Variants in TBXAS1 observed in about 807,000 individuals in gnomAD.
TBXAS1 encodes thromboxane-A synthase.
A neutral mutation model predicts 60.7 loss-of-function variants in TBXAS1; 48 were observed. The ratio of observed to expected loss-of-function variants is 0.79; its 90% confidence interval spans 0.63 to 1.01. TBXAS1 has a LOEUF of 1.01. TBXAS1 is among the 50% of genes least tolerant of loss of function. TBXAS1 has a pLI of 0.00. For missense variants in TBXAS1, 685 were observed against 686.3 expected, an observed-to-expected ratio of 1.00 and a Z score of 0.02; for synonymous variants, 287 against 269.7, an observed-to-expected ratio of 1.06 and a Z score of -0.63.
At chr7:139,879,220 C>T (rs558514224) in intron 3 of TBXAS1, among the ~76,000 whole-genome samples, 56 of 152,336 alleles carry the variant, frequency 3.7e-4, no homozygotes, top group African/African-American at 1.3e-3. Context: ...CCACCATCAT[C>T]GAGAACAAAA....
chr7:139,955,608 G>T lies in TBXAS1; in HGVS notation c.688+1G>T. The T allele has an allele frequency of 6.2e-7, 1 of 1,614,052 alleles. No individual in the cohort carries two copies. Among genetic ancestry groups the T allele is most frequent in the Non-Finnish European group, 8.5e-7 (1 of 1,180,024 alleles). On this transcript the variant is annotated splice_donor_variant, in intron 7 of 12. Coordinates refer to ENST00000448866, the MANE Select transcript of TBXAS1 (RefSeq NM_001061.7). LOFTEE classifies it high-confidence loss of function. ...CCCAGACCTATCCTGGTTTTACTCT[G>T]TAAGTGCGGCTGCAGCCCGGGGCGC...
At chr7:139,784,013 T>G (rs6950789) in intron 3 of TBXAS1, among the ~76,000 whole-genome samples, 13 of 122,498 alleles carry the variant, frequency 1.1e-4, no homozygotes, top group African/African-American at 8.1e-4. Context: ...TTTTTTTTGT[T>G]TTTTTTTTTT....
At chr7:139,818,098 T>A (rs1798198071) in intron 4 of TBXAS1, among the ~76,000 whole-genome samples, 1 of 151,886 alleles carries the variant, frequency 6.6e-6, no homozygotes, top group Non-Finnish European at 1.5e-5. Context: ...ACATCTAGAG[T>A]GTTGGTAGAG....
At chr7:139,855,435 C>T (rs761031488) in intron 1 of TBXAS1, among the ~76,000 whole-genome samples, 29 of 151,818 alleles carry the variant, frequency 1.9e-4, no homozygotes, top group Non-Finnish European at 4.0e-4. Context: ...CGTGGGCTGC[C>T]CTGGGGCTTT....
intron 9 of TBXAS1, among the ~76,000 whole-genome samples, chr7:140,006,130 G>A (rs2116379152): frequency 6.6e-6 from 1 of 152,352 alleles, no homozygotes; most frequent in Admixed American, 6.5e-5. Context: ...GGGAACAGAA[G>A]AAAGCAATCC....
chr7:139,994,053 T>G (rs1813125100), intron 9 of TBXAS1, among the ~76,000 whole-genome samples: 1 of 151,970 alleles, frequency 6.6e-6, no homozygotes, highest in African/African-American at 2.4e-5. Flanking sequence ...CCAGCTGATT[T>G]TTTTTGAGAT....
intron 9 of TBXAS1, among the ~76,000 whole-genome samples, chr7:140,002,925 A>G (rs1813774663): frequency 6.6e-6 from 1 of 151,928 alleles, no homozygotes; most frequent in African/African-American, 2.4e-5. Flanking sequence ...GGAGTTCGAG[A>G]CCAGCCTGAC....
rs1807775704 is a variant in TBXAS1 at position 139,936,267 on chromosome 7, G to A, written c.410G>A (p.Gly137Asp). 6.2e-7 allele frequency: 1 copy of A among 1,614,206 alleles called. No homozygotes were observed. The highest frequency in any genetic ancestry group is 8.5e-7 in the Non-Finnish European group (1 of 1,180,040). The change falls in exon 5 of 13, where the codon GGT becomes GAT. Residue 137 changes from glycine (G) to aspartate (D), a missense_variant. Coordinates refer to ENST00000448866, the MANE Select transcript of TBXAS1 (RefSeq NM_001061.7). Reference sequence around the variant, plus strand: ...GACAAAAGATGGGAAGAGGTCAGAGGTGCCCTGATGTCTGCTTTCAGTCCT... The same window carrying A: ...GACAAAAGATGGGAAGAGGTCAGAGATGCCCTGATGTCTGCTTTCAGTCCT... ...LRDKRWEEVR[G>D]ALMSAFSPEK...
rs148550211 is a variant in TBXAS1 at position 139,848,332 on chromosome 7, T to A, written c.89+18853T>A. Among the ~76,000 whole-genome samples the A allele has an allele frequency of 3.9e-3, 593 of 152,212 alleles. 3 individuals are homozygous for A. The highest frequency in any genetic ancestry group is 6.4e-3 in the Non-Finnish European group (434 of 68,014). On this transcript the variant is annotated intron_variant, in intron 1 of 12. Transcript: ENST00000448866. The stretch of plus-strand genomic sequence containing the variant: ...TAATTTTGGGTATATGTCAAAGCTG[T>A]CAGTTACGTAGGGGTAGAAAAAAAG...
intron 8 of TBXAS1, 126 bp from the exon 9 acceptor site, chr7:139,961,793 G>A (rs1335699656): frequency 1.7e-6 from 2 of 1,187,024 alleles, no homozygotes; most frequent in African/African-American, 3.0e-5. Flanking sequence ...CCAGCAATGA[G>A]GAAGCTTGTT....
chr7:139,974,996 T>C (rs1811466434), intron 9 of TBXAS1, among the ~76,000 whole-genome samples: 1 of 152,162 alleles, frequency 6.6e-6, no homozygotes, highest in Non-Finnish European at 1.5e-5. Context: ...AATTGGCTCA[T>C]GTAATTTATG....
intron 3 of TBXAS1, among the ~76,000 whole-genome samples, chr7:139,783,345 A>C (rs563960966): frequency 8.4e-6 from 1 of 119,254 alleles, no homozygotes; most frequent in Non-Finnish European, 1.8e-5. Flanking sequence ...CAGAAAGGAA[A>C]TATGGCAAAA....
rs183122137 is a variant in TBXAS1 at position 139,908,839 on chromosome 7, C to T, written c.237-2386C>T. ...TTCTGTTTGGAGAACATCCTTCAGC[C>T]ATTCTTTAAGGGTAAATATGTGAGT... On this transcript the variant is annotated intron_variant, in intron 3 of 12. Transcript: ENST00000448866. Among the ~76,000 whole-genome samples, 3 of 152,272 alleles carry T rather than the reference C, an allele frequency of 2.0e-5. No individual in the cohort carries two copies. In the East Asian group the frequency reaches 5.8e-4, roughly 29 times the overall value.
At chr7:139,955,380 C>T (rs1414457101) in intron 6 of TBXAS1, 79 bp from the exon 7 acceptor site, 5 of 1,585,110 alleles carry the variant, frequency 3.2e-6, no homozygotes, top group Non-Finnish European at 4.3e-6. Context: ...GCAATTCAGG[C>T]CCTCCTCCTC....
chr7:139,928,805 A>G (rs1429143930), intron 4 of TBXAS1, among the ~76,000 whole-genome samples: 1 of 152,256 alleles, frequency 6.6e-6, no homozygotes, highest in Non-Finnish European at 1.5e-5. Flanking sequence ...AGTAAACATT[A>G]CTTCTCAGTG....
chr7:139,956,901 C>T (rs536243159), intron 7 of TBXAS1, among the ~76,000 whole-genome samples: 74 of 152,378 alleles, frequency 4.9e-4, no homozygotes, highest in African/African-American at 1.7e-3. Context: ...AATGGGCCTG[C>T]GCATTCTGAG....
intron 9 of TBXAS1, among the ~76,000 whole-genome samples, chr7:139,984,832 A>G (rs1157272946): frequency 6.7e-6 from 1 of 150,366 alleles, no homozygotes; most frequent in Non-Finnish European, 1.5e-5. Context: ...GAAGAAAGAA[A>G]GAGGAAGGAA....
At chr7:139,876,667 T>A (rs1288185004) in intron 3 of TBXAS1, among the ~76,000 whole-genome samples, 1 of 152,168 alleles carries the variant, frequency 6.6e-6, no homozygotes, top group African/African-American at 2.4e-5. Flanking sequence ...CCCACAGTTT[T>A]GGTCAAGTTC....
intron 9 of TBXAS1, among the ~76,000 whole-genome samples, chr7:139,969,443 A>C (rs1414566176): frequency 7.2e-6 from 1 of 139,476 alleles, no homozygotes; most frequent in Non-Finnish European, 1.5e-5. Flanking sequence ...AAAAAAAAGC[A>C]TATTATGTGC....
Sources: allele counts gnomAD v4.1 joint callset (sites outside exome capture counted in the v4.1 genomes callset), GRCh38; gene constraint gnomAD v4.1.1; transcripts MANE v1.5; gene names NCBI Gene and HGNC (gene_info 2026-07-23, HGNC 2026-07-21).